PCDHGA11: variants seen among roughly 807,000 people sequenced by gnomAD.
The protein encoded by PCDHGA11 is protocadherin gamma-A11.
In PCDHGA11, 39 loss-of-function variants were observed where a neutral mutation model predicts 60.4. That is an observed-to-expected ratio of 0.65 (90% CI 0.50 to 0.84). The LOEUF is 0.84. Ranked by LOEUF, PCDHGA11 falls within the 40% of genes least tolerant of loss-of-function variation. The probability of loss-of-function intolerance (pLI) is 0.00; values close to 1 mark genes in which losing one functional copy is unlikely to be tolerated. For synonymous variants in PCDHGA11, 533 were observed against 510.3 expected (o/e 1.04, Z -0.60); for missense variants, 1,165 against 1,197.7 (o/e 0.97, Z 0.40).
At position 141,422,997 on chromosome 5, in the gene PCDHGA11, C is replaced by A; in HGVS notation, c.1770C>A (p.Thr590=). 3 of 1,614,218 alleles carry A rather than the reference C, an allele frequency of 1.9e-6. No individual in the cohort carries two copies. Among genetic ancestry groups the A allele is most frequent in the Non-Finnish European group, 2.5e-6 (3 of 1,180,036 alleles). The change falls in exon 1 of 4, where the codon ACC becomes ACA. Residue 590 remains threonine (T), a synonymous_variant. Coordinates refer to ENST00000398587, the MANE Select transcript of PCDHGA11 (RefSeq NM_018914.3). ...CTGCGGAACCTGGCTACCTGGTGACCAAGGTGGTTGCGGTGGACAAAGATT... is the reference window on the plus strand; with the variant it reads ...CTGCGGAACCTGGCTACCTGGTGACAAAGGTGGTTGCGGTGGACAAAGATT... The part of the protein sequence containing the change: ...PRSAEPGYLV[T]KVVAVDKDSG...
rs936419038 is a variant in PCDHGA11 at position 141,493,313 on chromosome 5, G to T, written c.2434-1494G>T. On this transcript the variant is annotated intron_variant, in intron 1 of 3. Transcript: ENST00000398587. This position sits in a 1 kb window ranked among gnomAD's most constrained non-coding sequence, Gnocchi z 4.3. ...TCAAGTTCACAGAGCAAGTAAGAGA[G>T]ATTCTAACCCCTGTCTAACTCCAGA... Among the ~76,000 whole-genome samples, 4 of 152,214 alleles carry T rather than the reference G, an allele frequency of 2.6e-5. No individual in the cohort carries two copies. Among genetic ancestry groups the T allele is most frequent in the Non-Finnish European group, 4.4e-5 (3 of 68,040 alleles).
chr5:141,451,523 A>G (rs1035983001), intron 1 of PCDHGA11, among the ~76,000 whole-genome samples: 1 of 152,200 alleles, frequency 6.6e-6, no homozygotes, highest in African/African-American at 2.4e-5. Flanking sequence ...AGAGCAAGTA[A>G]AGGAGAGTGC....
chr5:141,483,606 C>T (rs1460635551), intron 1 of PCDHGA11, among the ~76,000 whole-genome samples: 1 of 151,984 alleles, frequency 6.6e-6, no homozygotes, highest in Non-Finnish European at 1.5e-5. Flanking sequence ...CTGGTTTACA[C>T]CTCCATCATT....
rs138616951 is a variant in PCDHGA11, at chr5:141,490,312, C to T, written c.2434-4495C>T. On this transcript the variant is annotated intron_variant, in intron 1 of 3. Transcript: ENST00000398587. The surrounding 1 kb of genome is among the most constrained non-coding windows in gnomAD (Gnocchi z 5.4). ...GGTGCTATTGGCCTCTTTGGCCAAC[C>T]CTGTCCTAGAGAGCACACCAGTGGG... 67 of 1,614,050 alleles carry T rather than the reference C, an allele frequency of 4.2e-5. No individual in the cohort carries two copies. The highest frequency in any genetic ancestry group is 5.3e-5 in the Non-Finnish European group (63 of 1,180,008).
chr5:141,464,273 A>G (rs1330533734), intron 1 of PCDHGA11, among the ~76,000 whole-genome samples: 1 of 136,736 alleles, frequency 7.3e-6, no homozygotes, highest in African/African-American at 3.0e-5. Context: ...TAAAAAAAAA[A>G]AAAAGCAAAA....
Position 141,477,691 on chromosome 5 carries a change from A to G in PCDHGA11, c.2434-17116A>G, listed in dbSNP as rs1315811441. 6.2e-7 allele frequency: 1 copy of G among 1,614,188 alleles called. No homozygotes were observed. Among genetic ancestry groups the G allele is most frequent in the South Asian group, 1.1e-5 (1 of 91,090 alleles). On this transcript the variant is annotated intron_variant, in intron 1 of 3. Coordinates refer to ENST00000398587, the MANE Select transcript of PCDHGA11 (RefSeq NM_018914.3). This position sits in a 1 kb window ranked among gnomAD's most constrained non-coding sequence, Gnocchi z 4.9. ...GCATAGTGTCATCCTTAGTGCCCCT[A>G]GACTATGAGGATCGGCGGGAATTTG...
intron 1 of PCDHGA11, chr5:141,430,854 G>A (rs140440273): frequency 5.0e-6 from 8 of 1,587,648 alleles, no homozygotes; most frequent in Middle Eastern, 1.7e-4. Flanking sequence ...ACCCAGATAC[G>A]CTATTCAGTT....
chr5:141,433,194 A>G (rs1170543558), intron 1 of PCDHGA11: 18 of 1,585,754 alleles, frequency 1.1e-5, no homozygotes, highest in Non-Finnish European at 1.5e-5. Context: ...GTGAGTTTAT[A>G]TCAAATCTTC....
chr5:141,474,626 G>A (rs1006911535), intron 1 of PCDHGA11, among the ~76,000 whole-genome samples: 5 of 152,288 alleles, frequency 3.3e-5, no homozygotes, highest in African/African-American at 9.6e-5. Flanking sequence ...CATCTCTTCC[G>A]GAAATATCCT....
chr5:141,467,008 A>T (rs1319152720), intron 1 of PCDHGA11, among the ~76,000 whole-genome samples: 1 of 150,270 alleles, frequency 6.7e-6, no homozygotes, highest in African/African-American at 2.4e-5. Context: ...TTGCAATGCA[A>T]TTTTTTTCCC....
At chr5:141,500,190 TTA>T (rs551092091) in intron 2 of PCDHGA11, among the ~76,000 whole-genome samples, 3 of 110,960 alleles carry the variant, frequency 2.7e-5, no homozygotes, top group Non-Finnish European at 3.9e-5. Context: ...TTATTTTTAT[TTA>T]TTTATTTATT....
At chr5:141,478,137 G>C (rs762316494) in intron 1 of PCDHGA11, 1 of 1,613,872 alleles carries the variant, frequency 6.2e-7, no homozygotes, top group South Asian at 1.1e-5. Context: ...CCTGAAGCCC[G>C]AGCCGAGTTC....
rs1591273286 is a variant in PCDHGA11, at chr5:141,433,311, T to A, written c.2433+9651T>A. 11 of 870,402 alleles carry A rather than the reference T, an allele frequency of 1.3e-5. No individual in the cohort carries two copies. The East Asian group carries it at 2.9e-4, about 23-fold the overall frequency. 53.9% of individuals were successfully genotyped at this position (870,402 alleles called of 1,614,324 possible). A position where few individuals can be genotyped will look rare whatever the true frequency, so the allele number is the denominator to read the frequency against. On this transcript the variant is annotated intron_variant, in intron 1 of 3. Coordinates refer to ENST00000398587, the MANE Select transcript of PCDHGA11 (RefSeq NM_018914.3). Reference sequence around the variant, plus strand: ...TAGGCTCAAGCAATTATCCCACCTTTGCCTCCGGTGTAACAGGGACTACAG... The same window carrying A: ...TAGGCTCAAGCAATTATCCCACCTTAGCCTCCGGTGTAACAGGGACTACAG...
chr5:141,473,116 G>A (rs966472502), intron 1 of PCDHGA11, among the ~76,000 whole-genome samples: 19 of 152,114 alleles, frequency 1.2e-4, no homozygotes, highest in African/African-American at 4.6e-4. Context: ...ACTTTACTTG[G>A]CTCTTTGGCA....
At chr5:141,445,938 G>A (rs2098482293) in intron 1 of PCDHGA11, among the ~76,000 whole-genome samples, 1 of 152,196 alleles carries the variant, frequency 6.6e-6, no homozygotes, top group Non-Finnish European at 1.5e-5. Flanking sequence ...GAATTATTAA[G>A]CTTACTCTGG....
chr5:141,440,321 C>T (rs1048535776), intron 1 of PCDHGA11: 1 of 152,104 alleles, frequency 6.6e-6, no homozygotes, highest in African/African-American at 2.4e-5. Context: ...ACAAAAATTA[C>T]TGGGCATGGT....
At chr5:141,458,485 A>G (rs2098946793) in intron 1 of PCDHGA11, among the ~76,000 whole-genome samples, 1 of 151,558 alleles carries the variant, frequency 6.6e-6, no homozygotes, top group Non-Finnish European at 1.5e-5. Context: ...GAAAATGAGG[A>G]CTGCCTGTAC....
At position 141,487,505 on chromosome 5, in the gene PCDHGA11, G is replaced by GTA; in HGVS notation, c.2434-7302_2434-7301insTA. The GTA allele has an allele frequency of 1.2e-6, 2 of 1,614,200 alleles. No homozygotes were observed. The highest frequency in any genetic ancestry group is 1.7e-6 in the Non-Finnish European group (2 of 1,180,032). ...TCATGGCTGTACACCCTTGGCTTCTGCACCCACTCGGAGTGATAGCTTCAT... is the reference window on the plus strand; with the variant it reads ...TCATGGCTGTACACCCTTGGCTTCTGTACACCCACTCGGAGTGATAGCTTCAT... On this transcript the variant is annotated intron_variant, in intron 1 of 3. Coordinates refer to ENST00000398587, the MANE Select transcript of PCDHGA11 (RefSeq NM_018914.3). This position sits in a 1 kb window ranked among gnomAD's most constrained non-coding sequence, Gnocchi z 5.0.
At chr5:141,501,583 T>C (rs1270487304) in intron 2 of PCDHGA11, among the ~76,000 whole-genome samples, 1 of 152,054 alleles carries the variant, frequency 6.6e-6, no homozygotes, top group Non-Finnish European at 1.5e-5. Context: ...GGCTTTCAGG[T>C]TGCAACTCTA....
Sources: gnomAD v4.1 joint callset for allele counts (sites outside exome capture counted in the v4.1 genomes callset) on GRCh38, gnomAD v4.1.1 for gene constraint, Gnocchi (gnomAD v3.1) non-coding constraint, MANE v1.5 for transcripts, NCBI Gene and HGNC (gene_info 2026-07-23, HGNC 2026-07-21) for gene names.